ST18: variants seen among roughly 807,000 people sequenced by gnomAD.
ST18 encodes suppression of tumorigenicity 18 protein.
ST18 carries 50 observed loss-of-function variants against 110.0 expected under a neutral mutation model. The ratio of observed to expected loss-of-function variants is 0.45; its 90% CI spans 0.36 to 0.58. ST18 has a LOEUF of 0.58. Ranked by LOEUF, ST18 falls within the 20% of genes least tolerant of loss-of-function variation. The probability of loss-of-function intolerance (pLI) is 0.00; values close to 1 mark genes in which losing one functional copy is unlikely to be tolerated. For missense variants in ST18, 1,306 were observed against 1,280.1 expected (o/e 1.02, Z -0.31); for synonymous variants, 461 against 452.4 (o/e 1.02, Z -0.24).
chr8:52,147,992 C>T lies in ST18; in HGVS notation c.2052+1740G>A, dbSNP rs76418917. On this transcript the variant is annotated intron_variant, in intron 16 of 25. Coordinates refer to ENST00000689386, the MANE Select transcript of ST18 (RefSeq NM_001352837.2). ...TTTCAGACAAGATGTGCAGGATACT[C>T]GAGGGATGTGAACACTGACAGACTT... 9.8e-3 allele frequency among the ~76,000 whole-genome samples: 1,490 copies of T among 152,188 alleles called. 15 individuals carry two copies. The highest frequency in any genetic ancestry group is 0.014 in the Non-Finnish European group (970 of 68,012).
intron 16 of ST18, among the ~76,000 whole-genome samples, chr8:52,149,480 C>T (rs939249532): frequency 6.6e-6 from 1 of 152,192 alleles, no homozygotes; most frequent in East Asian, 1.9e-4. Flanking sequence ...TTGTGCAGGG[C>T]ACAAAATTTC....
At chr8:52,187,406 C>T (rs2072743507) in intron 8 of ST18, among the ~76,000 whole-genome samples, 1 of 152,264 alleles carries the variant, frequency 6.6e-6, no homozygotes, top group East Asian at 1.9e-4. Flanking sequence ...TAAATCATAC[C>T]TACAATTATT....
chr8:52,267,619 A>G (rs1277616211), intron 2 of ST18, among the ~76,000 whole-genome samples: 2 of 152,096 alleles, frequency 1.3e-5, no homozygotes, highest in African/African-American at 4.8e-5. Flanking sequence ...GAAAATATAT[A>G]CCTATTCTTA....
At chr8:52,147,894 G>C (rs1403452356) in intron 16 of ST18, among the ~76,000 whole-genome samples, 1 of 152,168 alleles carries the variant, frequency 6.6e-6, no homozygotes, top group Non-Finnish European at 1.5e-5. Context: ...TAGTAGGACT[G>C]CGCCAACAAT....
At chr8:52,196,562 G>A (rs1260300922) in intron 8 of ST18, among the ~76,000 whole-genome samples, 1 of 152,106 alleles carries the variant, frequency 6.6e-6, no homozygotes, top group African/African-American at 2.4e-5. Context: ...TCTGAAAATA[G>A]GTGAGTATAG....
chr8:52,164,071 C>A lies in ST18; in HGVS notation c.1315G>T (p.Ala439Ser). The change falls in exon 13 of 26, where the codon GCT becomes TCT. Residue 439 changes from alanine to serine, a missense_variant. Transcript: ENST00000689386. ...THRSLSGCPIAAAEKLAMSQD... is the reference protein window; with the variant it reads ...THRSLSGCPISAAEKLAMSQD... Reference sequence around the variant, plus strand: ...GACATTGCCAATTTTTCAGCTGCAGCAATTGGACAACCAGAAAGACTGTTT... The same window carrying A: ...GACATTGCCAATTTTTCAGCTGCAGAAATTGGACAACCAGAAAGACTGTTT... The A allele has an allele frequency of 6.2e-7, 1 of 1,613,958 alleles. No homozygotes were observed. The highest frequency in any genetic ancestry group is 8.5e-7 in the Non-Finnish European group (1 of 1,179,900).
chr8:52,234,631 C>T (rs1468821053), intron 2 of ST18, among the ~76,000 whole-genome samples: 1 of 152,040 alleles, frequency 6.6e-6, no homozygotes, highest in Non-Finnish European at 1.5e-5. Flanking sequence ...GAAAAAGATA[C>T]TTGCACACAC....
chr8:52,222,164 A>C (rs1043450262), intron 3 of ST18: 2 of 152,222 alleles, frequency 1.3e-5, no homozygotes, highest in Admixed American at 1.3e-4. Context: ...TATTTTCTCA[A>C]AGATTGCCAA....
At chr8:52,182,517 T>C (rs1417670292) in intron 8 of ST18, among the ~76,000 whole-genome samples, 1 of 152,196 alleles carries the variant, frequency 6.6e-6, no homozygotes, top group Admixed American at 6.5e-5. Flanking sequence ...CTTGAGGACG[T>C]TATTCTCAGT....
intron 2 of ST18, among the ~76,000 whole-genome samples, chr8:52,355,375 T>C (rs1020331410): frequency 2.0e-5 from 3 of 152,198 alleles, no homozygotes; most frequent in African/African-American, 4.8e-5. Context: ...CCCAACTGTA[T>C]GCCCCCAACC....
intron 2 of ST18, among the ~76,000 whole-genome samples, chr8:52,233,759 T>A (rs1276975027): frequency 6.6e-6 from 1 of 152,214 alleles, no homozygotes; most frequent in African/African-American, 2.4e-5. Flanking sequence ...CAGTGTCTCA[T>A]TAGCTGTGGC....
intron 2 of ST18, among the ~76,000 whole-genome samples, chr8:52,256,368 T>C (rs1217422887): frequency 6.6e-6 from 1 of 152,152 alleles, no homozygotes; most frequent in Non-Finnish European, 1.5e-5. Flanking sequence ...TCTGGTTTTT[T>C]GTTTGTTTGT....
At chr8:52,163,888 G>T in intron 13 of ST18, 98 bp downstream of exon 13, 2 of 887,810 alleles carry the variant, frequency 2.3e-6, no homozygotes, top group Non-Finnish European at 1.8e-6. Context: ...TGAGAGGGGA[G>T]GTCAAGCCAC....
chr8:52,184,742 T>C (rs1247733070), intron 8 of ST18, among the ~76,000 whole-genome samples: 1 of 152,164 alleles, frequency 6.6e-6, no homozygotes, highest in Admixed American at 6.5e-5. Flanking sequence ...AAAATGTAGG[T>C]TCAGCAATAG....
chr8:52,352,360 G>C (rs1820756685), intron 2 of ST18, among the ~76,000 whole-genome samples: 1 of 152,132 alleles, frequency 6.6e-6, no homozygotes, highest in South Asian at 2.1e-4. Context: ...GCAACGCAGT[G>C]AGCACAAAGA....
intron 2 of ST18, among the ~76,000 whole-genome samples, chr8:52,254,937 G>A (rs968213040): frequency 1.3e-5 from 2 of 152,134 alleles, no homozygotes; most frequent in South Asian, 2.1e-4. Context: ...AGAAGCTCAC[G>A]AATTAGACAG....
At chr8:52,167,043 C>A in intron 10 of ST18, 57 bp from the exon 11 acceptor site, 1 of 1,560,352 alleles carries the variant, frequency 6.4e-7, no homozygotes, top group African/African-American at 1.4e-5. Flanking sequence ...TCTTCCCATT[C>A]AATAGAATGG....
At chr8:52,354,120 C>A (rs908456926) in intron 2 of ST18, among the ~76,000 whole-genome samples, 1 of 152,228 alleles carries the variant, frequency 6.6e-6, no homozygotes, top group Non-Finnish European at 1.5e-5. Flanking sequence ...CAGCCAGGAC[C>A]GAGTTATGTG....
rs1442641612 is a variant in ST18 at position 52,111,048 on chromosome 8, T to C, written c.*2150A>G. ...TTAACATAGTTGAAAAGAAAACAAA[T>C]TCAGTGCACATTACAAAACACATCA... On this transcript the variant is annotated 3_prime_UTR_variant, in exon 26 of 26. Coordinates refer to ENST00000689386, the MANE Select transcript of ST18 (RefSeq NM_001352837.2). The C allele has an allele frequency of 5.0e-6, 2 of 398,442 alleles. No homozygotes were observed. The highest frequency in any genetic ancestry group is 8.9e-6 in the Non-Finnish European group (2 of 225,858). The allele number at this position is 398,442 out of a possible 1,614,324, so 24.7% of individuals were successfully genotyped here.
Sources: gnomAD v4.1 joint callset for allele counts (sites outside exome capture counted in the v4.1 genomes callset) on GRCh38, gnomAD v4.1.1 for gene constraint, MANE v1.5 for transcripts, NCBI Gene and HGNC (gene_info 2026-07-23, HGNC 2026-07-21) for gene names.